ANK2: variants seen among roughly 807,000 people sequenced by gnomAD.
The protein encoded by ANK2 is ankyrin-2.
In ANK2, 83 loss-of-function variants were observed where a neutral mutation model predicts 360.5. The observed-to-expected ratio is 0.23, with a 90% CI of 0.19 to 0.28. The LOEUF (loss-of-function observed/expected upper bound fraction) is 0.28. ANK2 is among the 10% of genes least tolerant of loss of function. ANK2 has a pLI of 1.00. For missense variants in ANK2, 4,201 were observed against 4,795.7 expected, an observed-to-expected ratio of 0.88 and a Z score of 3.66; for synonymous variants, 1,740 against 1,759.5, an observed-to-expected ratio of 0.99 and a Z score of 0.28.
chr4:112,736,280 C>T, the ANK2 span, among the ~76,000 whole-genome samples: 2 of 151,872 alleles, frequency 1.3e-5, no homozygotes, highest in East Asian at 1.9e-4. Context: ...CTGGGCAACA[C>T]GGTGAAACCC....
intron 2 of ANK2, among the ~76,000 whole-genome samples, chr4:112,913,882 A>C (rs1237962727): frequency 6.6e-5 from 10 of 152,118 alleles, no homozygotes; most frequent in Non-Finnish European, 1.5e-4. Flanking sequence ...TTTTTTCTCT[A>C]TATATTTTTA....
chr4:112,947,108 C>T (rs2094590622), intron 2 of ANK2, among the ~76,000 whole-genome samples: 1 of 152,202 alleles, frequency 6.6e-6, no homozygotes, highest in South Asian at 2.1e-4. Context: ...ATTTTCTTCA[C>T]ATAATATTTT....
At chr4:113,216,807 A>C (rs925844432) in intron 4 of ANK2, among the ~76,000 whole-genome samples, 5 of 152,158 alleles carry the variant, frequency 3.3e-5, no homozygotes, top group Non-Finnish European at 7.4e-5. Flanking sequence ...CCTTCCCTTA[A>C]AGTTATTGGG....
the ANK2 span, chr4:112,788,860 C>A: frequency 1.2e-6 from 1 of 811,856 alleles, no homozygotes. Context: ...TTTCCCTTGG[C>A]CTTCTTTCCT....
At chr4:112,743,770 C>T in the ANK2 span, among the ~76,000 whole-genome samples, 1 of 152,016 alleles carries the variant, frequency 6.6e-6, no homozygotes, top group Non-Finnish European at 1.5e-5. Flanking sequence ...GTCTCGAACT[C>T]CTGACCTCAG....
chr4:112,854,055 C>T (rs964108909), intron 1 of ANK2, among the ~76,000 whole-genome samples: 1 of 152,048 alleles, frequency 6.6e-6, no homozygotes, highest in Non-Finnish European at 1.5e-5. Context: ...AAAATAAGGA[C>T]AATAGTGCGT....
intron 2 of ANK2, among the ~76,000 whole-genome samples, chr4:112,962,367 A>G (rs1007057050): frequency 3.3e-5 from 5 of 152,116 alleles, no homozygotes; most frequent in African/African-American, 4.8e-5. Context: ...GCTACAAGGG[A>G]CATGATGTTA....
chr4:112,869,650 T>C lies in ANK2; in HGVS notation c.-39-34805T>C, dbSNP rs558014208. ...ATTAACAAAGCCCAATGTATTTATT[T>C]TTCTTTTGTTGCTTGTGCTTATGAT... On this transcript the variant is annotated intron_variant, in intron 1 of 30. Coordinates refer to the ANK2 transcript ENST00000503271. Among the ~76,000 whole-genome samples, 4 of 152,316 alleles carry C rather than the reference T, an allele frequency of 2.6e-5. No individual in the cohort carries two copies. The East Asian group carries it at 7.7e-4, about 29-fold the overall frequency.
At chr4:113,092,750 T>C (rs1478778333) in intron 1 of ANK2, among the ~76,000 whole-genome samples, 3 of 152,144 alleles carry the variant, frequency 2.0e-5, no homozygotes, top group African/African-American at 7.2e-5. Flanking sequence ...AGGTAATGAG[T>C]GTAAAATATA....
intron 2 of ANK2, among the ~76,000 whole-genome samples, chr4:113,193,756 C>G (rs1225082641): frequency 2.6e-5 from 4 of 152,140 alleles, no homozygotes; most frequent in African/African-American, 9.7e-5. Context: ...GTTGCACTTT[C>G]CTTCACAATT....
chr4:113,247,640 G>A (rs1488602879), intron 9 of ANK2, among the ~76,000 whole-genome samples: 1 of 152,040 alleles, frequency 6.6e-6, no homozygotes, highest in Non-Finnish European at 1.5e-5. Flanking sequence ...TTCAAACAAG[G>A]CTTGCAAGTT....
the ANK2 span, among the ~76,000 whole-genome samples, chr4:112,736,694 C>T: frequency 6.6e-6 from 1 of 152,094 alleles, no homozygotes; most frequent in Non-Finnish European, 1.5e-5. Context: ...GTAGGTGCTG[C>T]ATGTGTGGTA....
chr4:112,986,460 T>G (rs1011649425), intron 2 of ANK2, among the ~76,000 whole-genome samples: 6 of 152,170 alleles, frequency 3.9e-5, no homozygotes, highest in Non-Finnish European at 8.8e-5. Context: ...TTTGTTTGTT[T>G]GTTTGTTTTT....
At chr4:113,176,411 G>A (rs902303878) in intron 2 of ANK2, among the ~76,000 whole-genome samples, 12 of 151,832 alleles carry the variant, frequency 7.9e-5, no homozygotes, top group African/African-American at 1.7e-4. Flanking sequence ...TAAAATCTTC[G>A]TATGTTGTGT....
chr4:112,729,763 AAAAG>A, the ANK2 span, among the ~76,000 whole-genome samples: 38 of 150,954 alleles, frequency 2.5e-4, no homozygotes, highest in African/African-American at 4.6e-4. Context: ...AAAAAAAAAG[AAAAG>A]AAAGAAAGAA....
chr4:113,260,925 C>A (rs1377905692), intron 13 of ANK2, among the ~76,000 whole-genome samples: 3 of 152,154 alleles, frequency 2.0e-5, no homozygotes, highest in Non-Finnish European at 4.4e-5. Flanking sequence ...ACCCTTGGAG[C>A]CTTTGTGTGT....
intron 2 of ANK2, among the ~76,000 whole-genome samples, chr4:112,983,399 G>A (rs575429605): frequency 8.6e-5 from 13 of 151,442 alleles, no homozygotes; most frequent in South Asian, 2.1e-4. Flanking sequence ...AAAAGAGGCC[G>A]GGCGCAGTGG....
chr4:112,963,784 C>A (rs1178634818), intron 2 of ANK2, among the ~76,000 whole-genome samples: 1 of 151,754 alleles, frequency 6.6e-6, no homozygotes, highest in Admixed American at 6.6e-5. Flanking sequence ...AAGAATGAGA[C>A]AATTATAATT....
chr4:113,159,539 T>A (rs1027527863), intron 1 of ANK2, among the ~76,000 whole-genome samples: 1 of 152,098 alleles, frequency 6.6e-6, no homozygotes, highest in Non-Finnish European at 1.5e-5. Flanking sequence ...AATTAAAGCT[T>A]ATATATTGCT....
Sources: gnomAD v4.1 joint callset for allele counts (sites outside exome capture counted in the v4.1 genomes callset) on GRCh38, gnomAD v4.1.1 for gene constraint, MANE v1.5 for transcripts, NCBI Gene and HGNC (gene_info 2026-07-23, HGNC 2026-07-21) for gene names.